The following SGCZ variants were observed in gnomAD, a reference collection of about 807,000 sequenced individuals.
SGCZ encodes the protein sarcoglycan zeta.
In SGCZ, 40 loss-of-function variants were observed where a neutral mutation model predicts 41.3. The observed-to-expected ratio is 0.97, with a 90% confidence interval of 0.75 to 1.26. SGCZ has a LOEUF of 1.26. Ranked by LOEUF, SGCZ falls within the 50% of genes most tolerant of loss-of-function variation. The probability of loss-of-function intolerance (pLI) is 0.00; values close to 1 mark genes in which losing one functional copy is unlikely to be tolerated. For missense variants in SGCZ, 552 were observed against 369.8 expected (o/e 1.49, Z -4.04); for synonymous variants, 206 against 137.5 (o/e 1.50, Z -3.49).
intron 1 of SGCZ, among the ~76,000 whole-genome samples, chr8:14,837,920 G>C (rs989536388): frequency 1.3e-5 from 2 of 151,972 alleles, no homozygotes; most frequent in Non-Finnish European, 1.5e-5. Flanking sequence ...CCTTGTGTTA[G>C]AAACATTCCA....
intron 1 of SGCZ, among the ~76,000 whole-genome samples, chr8:14,780,712 A>G (rs556483428): frequency 1.3e-5 from 2 of 152,280 alleles, no homozygotes; most frequent in Non-Finnish European, 2.9e-5. Context: ...ATAGAACAAC[A>G]GGACTGATTT....
chr8:14,894,941 C>T (rs1035455219), intron 1 of SGCZ, among the ~76,000 whole-genome samples: 9 of 151,882 alleles, frequency 5.9e-5, no homozygotes, highest in African/African-American at 1.9e-4. Flanking sequence ...AACTGAGGAC[C>T]GAAAAACAAG....
intron 3 of SGCZ, among the ~76,000 whole-genome samples, chr8:14,246,158 T>G (rs1799080505): frequency 6.6e-6 from 1 of 152,176 alleles, no homozygotes; most frequent in Non-Finnish European, 1.5e-5. Context: ...GTATGTTTAT[T>G]GCGGCTGTAT....
chr8:14,491,667 A>G (rs1801846427), intron 2 of SGCZ, among the ~76,000 whole-genome samples: 1 of 152,208 alleles, frequency 6.6e-6, no homozygotes, highest in South Asian at 2.1e-4. Flanking sequence ...TGGGAGTAAG[A>G]AACATCTTAC....
At chr8:14,247,661 A>T (rs999086682) in intron 3 of SGCZ, among the ~76,000 whole-genome samples, 10 of 152,192 alleles carry the variant, frequency 6.6e-5, no homozygotes, top group African/African-American at 1.7e-4. Flanking sequence ...ACTAGGAGAT[A>T]TCCTCCTCTT....
At chr8:14,719,446 T>A (rs201161241) in intron 1 of SGCZ, among the ~76,000 whole-genome samples, 2 of 151,296 alleles carry the variant, frequency 1.3e-5, no homozygotes, top group Admixed American at 6.6e-5. Context: ...TCCACAATGG[T>A]TGAACTAGTT....
chr8:14,302,685 G>A (rs551383217), intron 3 of SGCZ, among the ~76,000 whole-genome samples: 19 of 152,198 alleles, frequency 1.2e-4, no homozygotes, highest in African/African-American at 3.1e-4. Flanking sequence ...CTATTAAAAT[G>A]TCTCACTGGG....
intron 1 of SGCZ, among the ~76,000 whole-genome samples, chr8:15,051,703 G>A (rs953453043): frequency 2.6e-5 from 4 of 152,128 alleles, no homozygotes; most frequent in Admixed American, 6.6e-5. Context: ...CACCCTGACT[G>A]TGAGTGATAT....
intron 4 of SGCZ, among the ~76,000 whole-genome samples, chr8:14,172,948 G>C (rs946918030): frequency 2.6e-5 from 4 of 152,114 alleles, no homozygotes; most frequent in Non-Finnish European, 4.4e-5. Context: ...ATGAACAAAG[G>C]TTATCAATGC....
intron 2 of SGCZ, among the ~76,000 whole-genome samples, chr8:14,443,047 A>G (rs1800319283): frequency 6.6e-6 from 1 of 152,174 alleles, no homozygotes; most frequent in Admixed American, 6.5e-5. Flanking sequence ...TCATGAGTGA[A>G]CTCCCATTCA....
intron 4 of SGCZ, 37 bp downstream of exon 4, chr8:14,237,555 A>C (rs1295195599): frequency 6.4e-7 from 1 of 1,565,698 alleles, no homozygotes; most frequent in African/African-American, 1.4e-5. Flanking sequence ...AAAAAAACCA[A>C]GCACAGTAGG....
At position 14,832,118 on chromosome 8, in the gene SGCZ, G is replaced by C. The variant is rs1368847822; in HGVS notation, c.40-277192C>G. Among the ~76,000 whole-genome samples the C allele has an allele frequency of 3.3e-5, 5 of 152,248 alleles. No homozygotes were observed. In the East Asian group the frequency reaches 7.7e-4, roughly 23 times the overall value. On this transcript the variant is annotated intron_variant, in intron 1 of 7. Transcript: ENST00000382080. Reference sequence around the variant, plus strand: ...TGTTGAAATAGCAATGCCTTCTTAAGTCACTATTGAAGTGCATAATAATTT... The same window carrying C: ...TGTTGAAATAGCAATGCCTTCTTAACTCACTATTGAAGTGCATAATAATTT...
At chr8:14,999,666 G>GCA (rs1802341368) in intron 1 of SGCZ, among the ~76,000 whole-genome samples, 2 of 152,110 alleles carry the variant, frequency 1.3e-5, no homozygotes, top group Non-Finnish European at 2.9e-5. Context: ...GTCTCTGTCA[G>GCA]CACATCACAG....
chr8:14,320,074 T>C (rs983962959), intron 3 of SGCZ, among the ~76,000 whole-genome samples: 1 of 151,994 alleles, frequency 6.6e-6, no homozygotes, highest in Admixed American at 6.6e-5. Context: ...TATATAATTA[T>C]ATACCGGTGA....
chr8:14,187,946 A>G (rs937532211), intron 4 of SGCZ, among the ~76,000 whole-genome samples: 6 of 152,198 alleles, frequency 3.9e-5, no homozygotes, highest in Non-Finnish European at 8.8e-5. Flanking sequence ...GAGCAAGAGA[A>G]AAATGACTCA....
At chr8:14,936,157 G>A (rs181816083) in intron 1 of SGCZ, among the ~76,000 whole-genome samples, 20 of 151,964 alleles carry the variant, frequency 1.3e-4, no homozygotes, top group Non-Finnish European at 2.8e-4. Flanking sequence ...GGGTAGAAGA[G>A]GCGGAAAGGT....
rs1801610217 is a variant in SGCZ, at chr8:14,089,063, C to G, written c.*1380G>C. ...TAATACAGTTTTACATTCTTTGACTCTGTAAGTTTCAAGAGTTTGAGTTAA... is the reference window on the plus strand; with the variant it reads ...TAATACAGTTTTACATTCTTTGACTGTGTAAGTTTCAAGAGTTTGAGTTAA... On this transcript the variant is annotated 3_prime_UTR_variant, in exon 8 of 8. Transcript: ENST00000382080. Among the ~76,000 whole-genome samples the G allele has an allele frequency of 6.6e-6, 1 of 151,904 alleles. No homozygotes were observed. The highest frequency in any genetic ancestry group is 2.4e-5 in the African/African-American group (1 of 41,394).
At chr8:15,030,061 T>G (rs1419494890) in intron 1 of SGCZ, among the ~76,000 whole-genome samples, 1 of 152,168 alleles carries the variant, frequency 6.6e-6, no homozygotes, top group African/African-American at 2.4e-5. Context: ...AAGCTAGCAC[T>G]CTTGTTAATT....
intron 1 of SGCZ, among the ~76,000 whole-genome samples, chr8:14,624,491 A>G (rs1188737963): frequency 1.3e-5 from 2 of 151,082 alleles, no homozygotes; most frequent in African/African-American, 4.9e-5. Context: ...TTTTCTATGC[A>G]TGTCCATAAG....
Sources: allele counts gnomAD v4.1 joint callset (sites outside exome capture counted in the v4.1 genomes callset), GRCh38; gene constraint gnomAD v4.1.1; transcripts MANE v1.5; gene names NCBI Gene and HGNC (gene_info 2026-07-23, HGNC 2026-07-21).